The following BACH2 variants were observed in gnomAD, a reference collection of about 807,000 sequenced individuals.
BACH2 encodes BACH transcriptional regulator 2.
Under a neutral mutation model 61.8 loss-of-function variants are expected in BACH2, and 5 were observed. That is an observed-to-expected ratio of 0.08 (90% CI 0.04 to 0.17). BACH2 has a LOEUF of 0.17. BACH2 is among the 10% of genes least tolerant of loss of function. BACH2 has a pLI of 1.00. For synonymous variants in BACH2, 446 were observed against 440.1 expected (o/e 1.01, Z -0.17); for missense variants, 824 against 1,091.1 (o/e 0.76, Z 3.45).
At chr6:90,188,914 A>G (rs1025265768) in intron 4 of BACH2, among the ~76,000 whole-genome samples, 1 of 152,228 alleles carries the variant, frequency 6.6e-6, no homozygotes, top group Admixed American at 6.5e-5. Context: ...CCTGGAGAAT[A>G]AATCTTAATA....
rs1362315590 is a variant in BACH2, at chr6:89,932,777, G to A, written c.2157C>T (p.Ser719=). The A allele has an allele frequency of 1.2e-6, 2 of 1,613,600 alleles. No homozygotes were observed. Among genetic ancestry groups the A allele is most frequent in the East Asian group, 2.2e-5 (1 of 44,860 alleles). The part of the protein sequence containing the change: ...LSQEVCRDIQ[S]PEQIQALHRY... ...GATGCAGGGCCTGGATCTGCTCGGG[G>A]CTCTGGATGTCTCGGCAAACTTCCT... The change falls in exon 9 of 9, where the codon AGC becomes AGT. Residue 719 remains serine, a synonymous_variant. Coordinates refer to ENST00000257749, the MANE Select transcript of BACH2 (RefSeq NM_021813.4).
intron 1 of BACH2, among the ~76,000 whole-genome samples, chr6:90,277,548 G>A (rs1771732536): frequency 1.3e-5 from 2 of 152,154 alleles, no homozygotes. Context: ...GTCTTAATCT[G>A]GGAACTGGTT....
At chr6:90,025,144 C>A (rs1388352422) in intron 5 of BACH2, among the ~76,000 whole-genome samples, 1 of 152,164 alleles carries the variant, frequency 6.6e-6, no homozygotes, top group African/African-American at 2.4e-5. Context: ...TCAGGCCATC[C>A]AAGGGGCATG....
At chr6:89,964,207 T>TAAAAA (rs61668401) in intron 6 of BACH2, among the ~76,000 whole-genome samples, 1 of 113,920 alleles carries the variant, frequency 8.8e-6, no homozygotes, top group Non-Finnish European at 1.9e-5. Context: ...AAAGTATAAT[T>TAAAAA]AAAAAAAAAA....
intron 7 of BACH2, among the ~76,000 whole-genome samples, chr6:89,941,905 G>C (rs1006192545): frequency 6.6e-6 from 1 of 152,148 alleles, no homozygotes; most frequent in African/African-American, 2.4e-5. Flanking sequence ...AAACACTAGG[G>C]GAATAGGAGG....
At chr6:90,272,944 T>G (rs185210556) in intron 1 of BACH2, among the ~76,000 whole-genome samples, 2 of 152,188 alleles carry the variant, frequency 1.3e-5, no homozygotes, top group East Asian at 3.8e-4. Flanking sequence ...ACAAGCAACC[T>G]GCATTGCCCA....
At chr6:90,283,178 T>C (rs1054910232) in intron 1 of BACH2, among the ~76,000 whole-genome samples, 1 of 152,214 alleles carries the variant, frequency 6.6e-6, no homozygotes, top group African/African-American at 2.4e-5. Context: ...TTTAAGAATA[T>C]GAATGTACAG....
intron 4 of BACH2, among the ~76,000 whole-genome samples, chr6:90,140,950 T>G (rs1175280480): frequency 6.6e-6 from 1 of 152,178 alleles, no homozygotes; most frequent in Non-Finnish European, 1.5e-5. Flanking sequence ...GACTTATCTA[T>G]GCAGATATTC....
intron 4 of BACH2, among the ~76,000 whole-genome samples, chr6:90,116,395 G>C (rs1219088668): frequency 6.6e-6 from 1 of 152,168 alleles, no homozygotes; most frequent in Non-Finnish European, 1.5e-5. Context: ...TGCAGGAACA[G>C]AAAACCAAAT....
intron 6 of BACH2, among the ~76,000 whole-genome samples, chr6:89,977,607 C>A (rs1775722805): frequency 1.3e-5 from 2 of 152,168 alleles, no homozygotes; most frequent in African/African-American, 4.8e-5. Flanking sequence ...GTACCATGTA[C>A]AAATGCTGTC....
At chr6:90,204,625 G>A (rs1467487534) in intron 4 of BACH2, among the ~76,000 whole-genome samples, 1 of 152,206 alleles carries the variant, frequency 6.6e-6, no homozygotes, top group African/African-American at 2.4e-5. Context: ...CATGACATTA[G>A]ATGTTGGGTT....
At chr6:90,170,222 C>T (rs570000352) in intron 4 of BACH2, among the ~76,000 whole-genome samples, 1 of 152,220 alleles carries the variant, frequency 6.6e-6, no homozygotes, top group South Asian at 2.1e-4. Context: ...TTTAAAATAT[C>T]TTCTTTAAAA....
chr6:90,092,280 T>TAAAAAA lies in BACH2; in HGVS notation c.-161-3177_-161-3172dup, dbSNP rs200675044. Among the ~76,000 whole-genome samples the TAAAAAA allele has an allele frequency of 3.1e-4, 24 of 77,160 alleles. No individual in the cohort carries two copies. In the East Asian group the frequency reaches 4.5e-3, roughly 14 times the overall value. The allele number at this position is 77,160 out of a possible 152,430, so 50.6% of individuals were successfully genotyped here. The stretch of plus-strand genomic sequence containing the variant: ...CTGTGCAATTGGCACACTGTCAAAG[T>TAAAAAA]AAAAAAAAAAAATATATATATATAT... On this transcript the variant is annotated intron_variant, in intron 4 of 8. Transcript: ENST00000257749.
At chr6:90,209,263 C>CAGAG (rs10647508) in intron 3 of BACH2, among the ~76,000 whole-genome samples, 65,806 of 151,762 alleles carry the variant, frequency 0.43, 15,939 homozygotes, top group South Asian at 0.56. Context: ...ATGTACAACA[C>CAGAG]AGATCTTGGA....
intron 3 of BACH2, among the ~76,000 whole-genome samples, chr6:90,209,730 GGATA>G (rs1366136099): frequency 6.6e-6 from 1 of 152,124 alleles, no homozygotes; most frequent in African/African-American, 2.4e-5. Context: ...CTCAGAACTT[GGATA>G]AATAGCTTGC....
intron 5 of BACH2, among the ~76,000 whole-genome samples, chr6:90,040,751 G>A (rs1779493999): frequency 6.6e-6 from 1 of 151,826 alleles, no homozygotes; most frequent in African/African-American, 2.4e-5. Context: ...GAGTTCTTGA[G>A]TTCAATTCCT....
intron 4 of BACH2, among the ~76,000 whole-genome samples, chr6:90,143,288 C>A (rs1428309721): frequency 6.6e-6 from 1 of 152,020 alleles, no homozygotes; most frequent in Non-Finnish European, 1.5e-5. Flanking sequence ...ATAGTAACAT[C>A]GATGACAATA....
At chr6:90,197,761 G>A (rs565433568) in intron 4 of BACH2, among the ~76,000 whole-genome samples, 9 of 152,174 alleles carry the variant, frequency 5.9e-5, no homozygotes, top group South Asian at 2.1e-4. Context: ...GATGAAGGAC[G>A]GCCCAGGGCA....
intron 1 of BACH2, among the ~76,000 whole-genome samples, chr6:90,295,277 C>T (rs1772305041): frequency 6.6e-6 from 1 of 152,312 alleles, no homozygotes; most frequent in East Asian, 1.9e-4. Context: ...CTCAAGTTAC[C>T]AAACTCGCCT....
Sources: gnomAD v4.1 joint callset for allele counts (sites outside exome capture counted in the v4.1 genomes callset) on GRCh38, gnomAD v4.1.1 for gene constraint, MANE v1.5 for transcripts, NCBI Gene and HGNC (gene_info 2026-07-23, HGNC 2026-07-21) for gene names.